CCSER1: variants seen among roughly 807,000 people sequenced by gnomAD.
The protein encoded by CCSER1 is serine-rich coiled-coil domain-containing protein 1.
In CCSER1, 41 loss-of-function variants were observed where a neutral mutation model predicts 82.0. The observed-to-expected ratio is 0.50, with a 90% CI of 0.39 to 0.65. The LOEUF (loss-of-function observed/expected upper bound fraction) is 0.65. Among genes scored for constraint, CCSER1 ranks in the 30% least tolerant of loss-of-function variants. CCSER1 has a pLI of 0.00. For missense variants in CCSER1, 1,119 were observed against 1,064.2 expected, an observed-to-expected ratio of 1.05 and a Z score of -0.72; for synonymous variants, 414 against 383.9, an observed-to-expected ratio of 1.08 and a Z score of -0.92.
chr4:90,315,797 C>A (rs1736065904), intron 3 of CCSER1, among the ~76,000 whole-genome samples: 1 of 152,194 alleles, frequency 6.6e-6, no homozygotes. Flanking sequence ...GTCACCGCAC[C>A]TGAGCAGTTA....
intron 6 of CCSER1, among the ~76,000 whole-genome samples, chr4:90,639,237 A>G (rs1000078904): frequency 2.0e-5 from 3 of 151,540 alleles, no homozygotes; most frequent in Non-Finnish European, 4.4e-5. Flanking sequence ...TAATAGCATA[A>G]TGTGTTGTAT....
At chr4:90,968,549 T>C (rs368125066) in intron 9 of CCSER1, among the ~76,000 whole-genome samples, 6 of 152,044 alleles carry the variant, frequency 3.9e-5, no homozygotes, top group African/African-American at 1.5e-4. Flanking sequence ...GCACCCAACA[T>C]GGCTTTGTAG....
At chr4:91,404,606 A>G (rs542899129) in intron 10 of CCSER1, among the ~76,000 whole-genome samples, 2 of 152,154 alleles carry the variant, frequency 1.3e-5, no homozygotes, top group Non-Finnish European at 2.9e-5. Context: ...CTTTGTTCTC[A>G]TTGGTTTCAA....
At chr4:90,423,645 G>T (rs1304563380) in intron 4 of CCSER1, among the ~76,000 whole-genome samples, 1 of 151,958 alleles carries the variant, frequency 6.6e-6, no homozygotes, top group Admixed American at 6.6e-5. Context: ...CGGCTAACTT[G>T]TTTGTATTTT....
chr4:91,469,021 AGTTT>A (rs1447463221), intron 10 of CCSER1, among the ~76,000 whole-genome samples: 1 of 152,180 alleles, frequency 6.6e-6, no homozygotes, highest in Non-Finnish European at 1.5e-5. Context: ...ATAGTTTGTT[AGTTT>A]ATTAGAAAAG....
At chr4:91,351,328 A>C (rs925541599) in intron 10 of CCSER1, among the ~76,000 whole-genome samples, 2 of 152,052 alleles carry the variant, frequency 1.3e-5, no homozygotes, top group African/African-American at 4.8e-5. Flanking sequence ...TTGTAAGCTT[A>C]ATTTGAATCC....
chr4:91,497,076 G>A (rs1327432162), intron 10 of CCSER1, among the ~76,000 whole-genome samples: 1 of 150,670 alleles, frequency 6.6e-6, no homozygotes, highest in Non-Finnish European at 1.5e-5. Flanking sequence ...AGCATATTAT[G>A]CTAATTAAAG....
chr4:90,720,948 A>G (rs1177574419), intron 6 of CCSER1, among the ~76,000 whole-genome samples: 4 of 151,982 alleles, frequency 2.6e-5, no homozygotes, highest in Non-Finnish European at 5.9e-5. Context: ...TTGTCAATTA[A>G]GGAAATTGTC....
chr4:90,209,274 C>T (rs1739498035), intron 1 of CCSER1, among the ~76,000 whole-genome samples: 1 of 152,162 alleles, frequency 6.6e-6, no homozygotes, highest in African/African-American at 2.4e-5. Flanking sequence ...AAGTGAGGGG[C>T]ACCCCTAGTC....
chr4:90,673,168 G>A (rs1733133115), intron 6 of CCSER1, among the ~76,000 whole-genome samples: 1 of 151,858 alleles, frequency 6.6e-6, no homozygotes, highest in Non-Finnish European at 1.5e-5. Context: ...ATAAAGTGAT[G>A]CAAATAAAAT....
chr4:90,181,553 A>G (rs60047025), intron 1 of CCSER1, among the ~76,000 whole-genome samples: 41,274 of 151,976 alleles, frequency 0.27, 6,922 homozygotes, highest in East Asian at 0.65. Context: ...AAACAGGAGA[A>G]AAAGTAAAAG....
intron 1 of CCSER1, among the ~76,000 whole-genome samples, chr4:90,170,324 A>G (rs551506720): frequency 6.6e-6 from 1 of 151,804 alleles, no homozygotes; most frequent in Non-Finnish European, 1.5e-5. Context: ...GATAATATGT[A>G]TATTGTTTTT....
At position 90,428,170 on chromosome 4, in the gene CCSER1, G is replaced by T. The variant is rs572291126; in HGVS notation, c.1603+28041G>T. Among the ~76,000 whole-genome samples the T allele has an allele frequency of 2.1e-4, 32 of 151,936 alleles. 1 individual carries two copies. Among genetic ancestry groups the T allele is most frequent in the African/African-American group, 7.7e-4 (32 of 41,544 alleles). On this transcript the variant is annotated intron_variant, in intron 4 of 10. Transcript: ENST00000509176. ...GAAAAATGCAGATTTGTTTTATTAT[G>T]CAGAATTTTAAAGCTGAATCTGTCC...
intron 7 of CCSER1, among the ~76,000 whole-genome samples, chr4:90,737,581 T>C (rs775158716): frequency 1.3e-5 from 2 of 152,152 alleles, no homozygotes; most frequent in Non-Finnish European, 2.9e-5. Context: ...TTATTAAATG[T>C]CTTGAGATAG....
chr4:90,507,785 G>A (rs1045795346), intron 5 of CCSER1, among the ~76,000 whole-genome samples: 1 of 151,924 alleles, frequency 6.6e-6, no homozygotes, highest in Non-Finnish European at 1.5e-5. Context: ...GGCTAATTTC[G>A]ATGATTACTT....
intron 10 of CCSER1, among the ~76,000 whole-genome samples, chr4:91,146,751 A>G (rs536723469): frequency 6.6e-6 from 1 of 152,032 alleles, no homozygotes; most frequent in South Asian, 2.1e-4. Context: ...AGTTTCCTTC[A>G]TGGGCTTTCA....
chr4:90,395,823 C>T (rs1751865171), intron 3 of CCSER1, among the ~76,000 whole-genome samples: 1 of 151,596 alleles, frequency 6.6e-6, no homozygotes, highest in Non-Finnish European at 1.5e-5. Context: ...CCTGTAATCC[C>T]AGCACTTTGG....
chr4:90,305,110 G>T (rs1734012636), intron 1 of CCSER1, among the ~76,000 whole-genome samples: 1 of 152,032 alleles, frequency 6.6e-6, no homozygotes, highest in African/African-American at 2.4e-5. Context: ...TAGAGACGGG[G>T]TTTCACCGTG....
intron 5 of CCSER1, among the ~76,000 whole-genome samples, chr4:90,566,242 T>C (rs1779362699): frequency 6.6e-6 from 1 of 152,172 alleles, no homozygotes; most frequent in South Asian, 2.1e-4. Flanking sequence ...TCAGAGATAT[T>C]GGTCTGTAGT....
Sources: gnomAD v4.1 joint callset for allele counts (sites outside exome capture counted in the v4.1 genomes callset) on GRCh38, gnomAD v4.1.1 for gene constraint, MANE v1.5 for transcripts, NCBI Gene and HGNC (gene_info 2026-07-23, HGNC 2026-07-21) for gene names.